CLASP2: variants seen among roughly 807,000 people sequenced by gnomAD.
CLASP2 encodes cytoplasmic linker associated protein 2.
In CLASP2, 47 loss-of-function variants were observed where a neutral mutation model predicts 194.4. The observed-to-expected ratio is 0.24, with a 90% confidence interval of 0.19 to 0.31. CLASP2 has a LOEUF of 0.31. Among genes scored for constraint, CLASP2 ranks in the 10% least tolerant of loss-of-function variants. CLASP2 has a pLI of 1.00. For synonymous variants in CLASP2, 619 were observed against 633.5 expected (o/e 0.98, Z 0.34); for missense variants, 1,445 against 1,823.6 (o/e 0.79, Z 3.78).
At chr3:33,636,622 G>C (rs529011935) in intron 8 of CLASP2, among the ~76,000 whole-genome samples, 1 of 152,108 alleles carries the variant, frequency 6.6e-6, no homozygotes, top group African/African-American at 2.4e-5. Context: ...TATTTATTGC[G>C]ACAGAGTTTC....
rs550583837 is a variant in CLASP2, at chr3:33,532,446, T to C, written c.3787+2787A>G. The stretch of plus-strand genomic sequence containing the variant: ...CCTGAAAAGAGTTATGTGAGATGGA[T>C]GGTCTTGATGGATGTGCAACAGTAT... On this transcript the variant is annotated intron_variant, in intron 34 of 38. Coordinates refer to ENST00000682230, the MANE Select transcript of CLASP2 (RefSeq NM_001365631.1). Among the ~76,000 whole-genome samples, 39 of 152,296 alleles carry C rather than the reference T, an allele frequency of 2.6e-4. 1 individual carries two copies. The South Asian group carries it at 8.1e-3, about 32-fold the overall frequency.
intron 13 of CLASP2, among the ~76,000 whole-genome samples, chr3:33,609,529 C>T (rs138583629): frequency 1.6e-3 from 242 of 152,306 alleles, no homozygotes; most frequent in African/African-American, 5.7e-3. Flanking sequence ...TCCTCTCCTT[C>T]CTTGGCATTT....
intron 8 of CLASP2, among the ~76,000 whole-genome samples, chr3:33,641,674 A>G (rs1405064572): frequency 6.6e-6 from 1 of 152,000 alleles, no homozygotes. Flanking sequence ...TAATCTGGAT[A>G]TATATCTCTA....
At chr3:33,665,393 G>T (rs536976598) in intron 6 of CLASP2, among the ~76,000 whole-genome samples, 1 of 152,124 alleles carries the variant, frequency 6.6e-6, no homozygotes, top group South Asian at 2.1e-4. Flanking sequence ...GGGAAAAGAA[G>T]AAAAAGGGGC....
chr3:33,514,703 T>C (rs1461076023), intron 36 of CLASP2: 2 of 364,198 alleles, frequency 5.5e-6, no homozygotes, highest in African/African-American at 4.2e-5. Context: ...AGTCATGATA[T>C]GAAAAAGATA....
In CLASP2 at chr3:33,685,054, T is replaced by C. The variant is rs904581288; in HGVS notation, c.547-598A>G. On this transcript the variant is annotated intron_variant, in intron 5 of 38. Coordinates refer to ENST00000682230, the MANE Select transcript of CLASP2 (RefSeq NM_001365631.1). ...ATAATAATAATAATAATAAATCTATTTGTAGGCCCGGCACGGTGGCTCATG... is the reference window on the plus strand; with the variant it reads ...ATAATAATAATAATAATAAATCTATCTGTAGGCCCGGCACGGTGGCTCATG... Among the ~76,000 whole-genome samples, 7 of 149,840 alleles carry C rather than the reference T, an allele frequency of 4.7e-5. No homozygotes were observed. The East Asian group carries it at 1.4e-3, about 29-fold the overall frequency.
chr3:33,510,865 T>TACATCCTGGAAGTATAAACTTCATGAAG, intron 36 of CLASP2, 101 bp from the exon 37 acceptor site: 1 of 1,095,896 alleles, frequency 9.1e-7, no homozygotes, highest in Non-Finnish European at 1.3e-6. Flanking sequence ...ATATATGGAA[T>TACATCCTGGAAGTATAAACTTCATGAAG]TTGCTTTGAA....
intron 9 of CLASP2, among the ~76,000 whole-genome samples, chr3:33,631,839 T>A (rs2079141015): frequency 2.9e-5 from 4 of 136,772 alleles, no homozygotes; most frequent in African/African-American, 1.2e-4. Flanking sequence ...AAATTTTACA[T>A]CACGAAAAAA....
chr3:33,510,632 T>C lies in CLASP2; in HGVS notation c.4243A>G (p.Thr1415Ala). The C allele has an allele frequency of 6.2e-7, 1 of 1,613,928 alleles. No homozygotes were observed. The highest frequency in any genetic ancestry group is 8.5e-7 in the Non-Finnish European group (1 of 1,179,878). Reference sequence around the variant, plus strand: ...TTGGACACTCTCTCTATCACTTTTGTTTGCATTTTGATTGCAGCCAGATTA... The same window carrying C: ...TTGGACACTCTCTCTATCACTTTTGCTTGCATTTTGATTGCAGCCAGATTA... ...PINLAAIKMQ[T>A]KVIERVSKET... Residue 1415 changes from threonine to alanine, a missense_variant, in exon 37 of 39, where the codon ACA becomes GCA. Thr to Ala is a moderately conservative substitution (Grantham distance 58, BLOSUM62 0). This residue lies in a region of CLASP2 where 732 missense variants were observed against 987.9 expected (regional missense o/e 0.74). Coordinates refer to ENST00000682230, the MANE Select transcript of CLASP2 (RefSeq NM_001365631.1).
chr3:33,659,041 TA>T, intron 7 of CLASP2: 2 of 1,535,330 alleles, frequency 1.3e-6, no homozygotes, highest in South Asian at 2.4e-5. Context: ...GCACAGCAAA[TA>T]AGTACAGCTC....
chr3:33,647,521 C>G (rs1012650112), intron 7 of CLASP2, among the ~76,000 whole-genome samples: 3 of 152,228 alleles, frequency 2.0e-5, no homozygotes, highest in African/African-American at 7.2e-5. Flanking sequence ...AAGGACCACA[C>G]AGCAAATATT....
intron 37 of CLASP2, 123 bp downstream of exon 37, chr3:33,510,435 C>T (rs2049414309): frequency 2.8e-5 from 25 of 877,594 alleles, no homozygotes; most frequent in South Asian, 1.0e-4. Flanking sequence ...AGTCTTTGTC[C>T]TGAATATTGC....
chr3:33,696,400 A>G (rs1229336091), intron 2 of CLASP2, among the ~76,000 whole-genome samples: 1 of 136,972 alleles, frequency 7.3e-6, no homozygotes, highest in Non-Finnish European at 1.5e-5. Context: ...GATTTAAGTA[A>G]GTTTAAAACC....
chr3:33,632,196 T>A (rs2079214192), intron 9 of CLASP2, 96 bp downstream of exon 9: 1 of 707,076 alleles, frequency 1.4e-6, no homozygotes, highest in African/African-American at 1.8e-5. Context: ...TATAGCTATA[T>A]AAGGAAAAAA....
intron 21 of CLASP2, among the ~76,000 whole-genome samples, chr3:33,587,150 G>C (rs2067582974): frequency 6.6e-6 from 1 of 151,626 alleles, no homozygotes; most frequent in Non-Finnish European, 1.5e-5. Context: ...TTTTGAGTCG[G>C]AGTCTTGCTC....
At chr3:33,516,900 A>T in intron 35 of CLASP2, 81 bp downstream of exon 35, 1 of 1,204,018 alleles carries the variant, frequency 8.3e-7, no homozygotes, top group Non-Finnish European at 1.2e-6. Flanking sequence ...CCCAATTGCT[A>T]AATCCGTGTA....
intron 6 of CLASP2, among the ~76,000 whole-genome samples, chr3:33,672,572 G>A (rs1001191899): frequency 1.3e-5 from 2 of 152,172 alleles, no homozygotes; most frequent in African/African-American, 4.8e-5. Flanking sequence ...TTCCTCACCA[G>A]CAACGGAACA....
At chr3:33,643,386 AG>A (rs1480397107) in intron 8 of CLASP2, among the ~76,000 whole-genome samples, 1 of 151,974 alleles carries the variant, frequency 6.6e-6, no homozygotes, top group African/African-American at 2.4e-5. Flanking sequence ...TTGTTATAAA[AG>A]GAAGAAACCA....
Position 33,537,049 on chromosome 3 carries a change from G to C in CLASP2, c.3559-1588C>G, listed in dbSNP as rs78174850. On this transcript the variant is annotated intron_variant, in intron 33 of 38. Coordinates refer to ENST00000682230, the MANE Select transcript of CLASP2 (RefSeq NM_001365631.1). ...TACAACAACTTTTAAGGTAAGCAGT[G>C]ATATCCCTATTTTCTTAATGAAGAC... is the stretch of plus-strand genomic sequence containing the variant. Among the ~76,000 whole-genome samples the C allele has an allele frequency of 7.1e-3, 1,083 of 152,278 alleles. 10 individuals carry two copies. Among genetic ancestry groups the C allele is most frequent in the Non-Finnish European group, 0.012 (803 of 68,016 alleles).
Sources: allele counts gnomAD v4.1 joint callset (sites outside exome capture counted in the v4.1 genomes callset), GRCh38; gene constraint gnomAD v4.1.1; regional missense constraint gnomAD v4.1.1; transcripts MANE v1.5; gene names NCBI Gene and HGNC (gene_info 2026-07-23, HGNC 2026-07-21).